LOXL1: variants seen among roughly 807,000 people sequenced by gnomAD.
LOXL1 encodes the protein lysyl oxidase like 1.
In LOXL1, 31 loss-of-function variants were observed where a neutral mutation model predicts 62.2. That is an observed-to-expected ratio of 0.50 (90% confidence interval 0.37 to 0.67). The LOEUF is 0.67. Among genes scored for constraint, LOXL1 ranks in the 30% least tolerant of loss-of-function variants. The pLI is 0.00. For synonymous variants in LOXL1, 403 were observed against 384.4 expected (o/e 1.05, Z -0.56); for missense variants, 775 against 843.4 (o/e 0.92, Z 1.00).
At position 73,927,503 on chromosome 15, in the gene LOXL1, C is replaced by T. The variant is rs768986175; in HGVS notation, c.720C>T (p.Gly240=). ...CGCGCTACGAGGAGTACGGCGGCGG[C>T]GAAGAGCTGCCCGAGTACCCGCCTC... ...PRARYEEYGG[G]EELPEYPPQG... is the part of the protein sequence containing the mutation. The change falls in exon 1 of 7, where the codon GGC becomes GGT. Residue 240 remains glycine, a synonymous_variant. Transcript: ENST00000261921. 12 of 1,472,822 alleles carry T rather than the reference C, an allele frequency of 8.1e-6. No homozygotes were observed. Among genetic ancestry groups the T allele is most frequent in the Middle Eastern group, 2.0e-4 (1 of 5,064 alleles). 91.2% of individuals were successfully genotyped at this position (1,472,822 alleles called of 1,614,324 possible).
At chr15:73,935,934 GGTGTGT>G (rs3056338) in intron 1 of LOXL1, among the ~76,000 whole-genome samples, 70 of 131,936 alleles carry the variant, frequency 5.3e-4, no homozygotes, top group East Asian at 1.2e-3. Context: ...AGGTAGAGCT[GGTGTGT>G]GTGTGTGTGT....
chr15:73,946,747 G>C (rs1008346707), intron 3 of LOXL1, among the ~76,000 whole-genome samples, 193 bp downstream of exon 3: 1 of 152,272 alleles, frequency 6.6e-6, no homozygotes, highest in Non-Finnish European at 1.5e-5. Context: ...CCAAAGCTAG[G>C]CTGGAAGATG....
intron 1 of LOXL1, chr15:73,941,973 G>A (rs1247502965): frequency 3.5e-6 from 1 of 288,314 alleles, no homozygotes; most frequent in East Asian, 1.4e-4. Flanking sequence ...GGGAACAAGG[G>A]ACCACAAGGA....
chr15:73,928,845 C>T (rs1372443490), intron 1 of LOXL1, among the ~76,000 whole-genome samples: 1 of 148,588 alleles, frequency 6.7e-6, no homozygotes, highest in South Asian at 2.1e-4. Context: ...TTTTTTGGCA[C>T]CCCCTAAAAT....
rs1363541658 is a variant in LOXL1 at position 73,946,503 on chromosome 15, A to G, written c.1298A>G (p.Asp433Gly). 6.2e-7 allele frequency: 1 copy of G among 1,611,570 alleles called. No individual in the cohort carries two copies. Residue 433 changes from aspartate to glycine, a missense_variant, in exon 3 of 7, where the codon GAC (aspartate) becomes GGC (glycine). Asp to Gly is a moderately conservative substitution (Grantham distance 94, BLOSUM62 -1). Transcript: ENST00000261921. ...PQRVKNQGTA[D>G]FLPNRPRHTW... Reference sequence around the variant, plus strand: ...CGCGTGAAGAACCAGGGCACAGCAGACTTCCTCCCCAACCGGCCACGGCAC... The same window carrying G: ...CGCGTGAAGAACCAGGGCACAGCAGGCTTCCTCCCCAACCGGCCACGGCAC...
chr15:73,935,908 CTGTG>C (rs950220000), intron 1 of LOXL1, among the ~76,000 whole-genome samples: 15 of 146,414 alleles, frequency 1.0e-4, no homozygotes, highest in African/African-American at 3.8e-4. Context: ...GAGCTAAAGA[CTGTG>C]TGCCTCTGCA....
rs772006440 is a variant in LOXL1, at chr15:73,927,232, G to T, written c.449G>T (p.Arg150Leu). ...ARARTSVSQQ[R>L]HGGSASSVSA... ...GCCCGCACCTCCGTCTCCCAGCAAC[G>T]GCACGGGGGCTCCGCCTCCTCGGTC... The change falls in exon 1 of 7, where the codon CGG becomes CTG. Residue 150 changes from arginine (R) to leucine (L), a missense_variant. Physicochemically the swap from Arg to Leu is moderately radical, Grantham distance 102 (BLOSUM62 -2). Transcript: ENST00000261921. 9 of 1,596,990 alleles carry T rather than the reference G, an allele frequency of 5.6e-6. No individual in the cohort carries two copies. In the Admixed American group the frequency reaches 6.7e-5, roughly 12 times the overall value.
chr15:73,937,453 C>T (rs1234416615), intron 1 of LOXL1, among the ~76,000 whole-genome samples: 11 of 152,220 alleles, frequency 7.2e-5, no homozygotes, highest in Non-Finnish European at 1.3e-4. Flanking sequence ...TTCCCTCGCA[C>T]GCAGCTCCTC....
rs544158266 is a variant in LOXL1, at chr15:73,934,970, T to G, written c.1102+7085T>G. ...CCAGTGCAAGGCCCTGAGGCAGGAG[T>G]TCCCTGGGGTTTTCAGGTGTGCTCC... On this transcript the variant is annotated intron_variant, in intron 1 of 6. Transcript: ENST00000261921. Among the ~76,000 whole-genome samples the G allele has an allele frequency of 3.9e-5, 6 of 152,162 alleles. No individual in the cohort carries two copies. The East Asian group carries it at 1.2e-3, about 29-fold the overall frequency.
At chr15:73,935,590 G>A (rs1251332812) in intron 1 of LOXL1, among the ~76,000 whole-genome samples, 1 of 152,216 alleles carries the variant, frequency 6.6e-6, no homozygotes, top group Non-Finnish European at 1.5e-5. Context: ...GCAAGGGCGG[G>A]GAGGGCTCAG....
chr15:73,928,233 C>A (rs2068606735), intron 1 of LOXL1: 2 of 260,554 alleles, frequency 7.7e-6, no homozygotes, highest in Non-Finnish European at 1.4e-5. Context: ...CCCTCATCCA[C>A]CTTCTCCCTC....
At position 73,941,768 on chromosome 15, in the gene LOXL1, G is replaced by A. The variant is rs146121762; in HGVS notation, c.1103-1086G>A. 1.4e-3 allele frequency: 207 copies of A among 153,290 alleles called. 2 individuals carry two copies. The East Asian group carries it at 0.021, about 16-fold the overall frequency. 9.5% of individuals were successfully genotyped at this position (153,290 alleles called of 1,614,324 possible). A position where few individuals can be genotyped will look rare whatever the true frequency, so the allele number is the denominator to read the frequency against. On this transcript the variant is annotated intron_variant, in intron 1 of 6. Coordinates refer to ENST00000261921, the MANE Select transcript of LOXL1 (RefSeq NM_005576.4). ...CCCCTGCCCACACCCACTGCTGCCC[G>A]CACCCACCCCAGCCCACACCCCATC...
At chr15:73,933,712 A>G (rs2068651042) in intron 1 of LOXL1, among the ~76,000 whole-genome samples, 1 of 152,242 alleles carries the variant, frequency 6.6e-6, no homozygotes, top group African/African-American at 2.4e-5. Flanking sequence ...ACTTCCCAGG[A>G]CAGTGGCTGA....
chr15:73,926,962 A>C lies in LOXL1; in HGVS notation c.179A>C (p.Glu60Ala). ...TACAGCTTGCTCAACTCGGGCTCAG[A>C]GTACGTGCCGGCCGGACCTCAGCGC... is the stretch of plus-strand genomic sequence containing the variant. ...QVYSLLNSGS[E>A]YVPAGPQRSE... The change falls in exon 1 of 7, where the codon GAG (glutamate) becomes GCG (alanine). Residue 60 changes from glutamate to alanine, a missense_variant. Glu to Ala is a moderately radical substitution (Grantham distance 107). Transcript: ENST00000261921. The C allele has an allele frequency of 6.5e-7, 1 of 1,543,458 alleles. No individual in the cohort carries two copies. Among genetic ancestry groups the C allele is most frequent in the Non-Finnish European group, 8.7e-7 (1 of 1,145,132 alleles).
Position 73,927,071 on chromosome 15 carries a change from G to T in LOXL1, c.288G>T (p.Gln96His), listed in dbSNP as rs1458940231. Residue 96 changes from glutamine (Q) to histidine (H), a missense_variant, in exon 1 of 7, where the codon CAG (glutamine) becomes CAT (histidine). Physicochemically the swap from Gln to His is conservative, Grantham distance 24. Transcript: ENST00000261921. ...GCCACGGGAGCCCCCGGCGTCGGCA[G>T]GCGCCGTCCCTGCCCCTGCCGGGGC... is the stretch of plus-strand genomic sequence containing the variant. ...RRSHGSPRRR[Q>H]APSLPLPGRV... is the part of the protein sequence containing the mutation. 7.6e-6 allele frequency: 10 copies of T among 1,314,588 alleles called. No individual in the cohort carries two copies. In the East Asian group the frequency reaches 2.8e-4, roughly 37 times the overall value. The allele number at this position is 1,314,588 out of a possible 1,614,324, so 81.4% of individuals were successfully genotyped here. A position where few individuals can be genotyped will look rare whatever the true frequency, so the allele number is the denominator to read the frequency against.
At chr15:73,949,640 C>T in intron 6 of LOXL1, 66 bp downstream of exon 6, 1 of 1,043,814 alleles carries the variant, frequency 9.6e-7, no homozygotes, top group Non-Finnish European at 1.5e-6. Flanking sequence ...GGCAAGGCCA[C>T]CTGAGATACC....
intron 1 of LOXL1, among the ~76,000 whole-genome samples, chr15:73,937,462 TC>T (rs2068682021): frequency 6.6e-6 from 1 of 152,192 alleles, no homozygotes; most frequent in Non-Finnish European, 1.5e-5. Flanking sequence ...ACGCAGCTCC[TC>T]CCCAGCCGAG....
At chr15:73,933,825 C>G (rs962364444) in intron 1 of LOXL1, among the ~76,000 whole-genome samples, 1 of 152,262 alleles carries the variant, frequency 6.6e-6, no homozygotes, top group African/African-American at 2.4e-5. Context: ...GAAGAGCAGT[C>G]AGGGTTGGGA....
intron 1 of LOXL1, among the ~76,000 whole-genome samples, chr15:73,939,728 CTG>C (rs2068700645): frequency 6.6e-6 from 1 of 152,170 alleles, no homozygotes; most frequent in African/African-American, 2.4e-5. Flanking sequence ...CACCTAAAAT[CTG>C]TGCATTTCAC....
Sources: gnomAD v4.1 joint callset for allele counts (sites outside exome capture counted in the v4.1 genomes callset) on GRCh38, gnomAD v4.1.1 for gene constraint, MANE v1.5 for transcripts, NCBI Gene and HGNC (gene_info 2026-07-23, HGNC 2026-07-21) for gene names.